The following AMZ2 variants were observed in gnomAD, a reference collection of about 807,000 sequenced individuals.
The protein encoded by AMZ2 is archaelysin family metallopeptidase 2.
In AMZ2, 26 loss-of-function variants were observed where a neutral mutation model predicts 36.7. That is an observed-to-expected ratio of 0.71 (90% CI 0.52 to 0.98). The LOEUF is 0.98. Ranked by LOEUF, AMZ2 falls within the 50% of genes least tolerant of loss-of-function variation. The pLI is 0.00. For synonymous variants in AMZ2, 144 were observed against 149.1 expected, an observed-to-expected ratio of 0.97 and a Z score of 0.25; for missense variants, 394 against 430.5, an observed-to-expected ratio of 0.92 and a Z score of 0.75.
At chr17:68,252,983 A>T (rs1173946459) in intron 4 of AMZ2, among the ~76,000 whole-genome samples, 3 of 152,222 alleles carry the variant, frequency 2.0e-5, no homozygotes, top group Non-Finnish European at 4.4e-5. Context: ...AAAGATTTAC[A>T]TAGGAAAGTA....
intron 1 of AMZ2, among the ~76,000 whole-genome samples, chr17:68,218,481 C>T (rs2073261164): frequency 1.3e-5 from 2 of 152,170 alleles, no homozygotes; most frequent in Admixed American, 6.5e-5. Context: ...TGTGAACCAC[C>T]ACACGCATTT....
At chr17:68,247,297 C>CTGCACTCCA (rs2074061532), upstream of AMZ2, 1 of 139,036 alleles carries the variant, frequency 7.2e-6, no homozygotes, top group Admixed American at 7.9e-5. Context: ...GACTGTCCCA[C>CTGCACTCCA]TGCACTCCAG....
upstream of AMZ2, chr17:68,247,336 CAAAA>C (rs71142158): frequency 0.013 from 1,027 of 78,148 alleles, 8 homozygotes; most frequent in Middle Eastern, 0.021. Context: ...ACTCCGTCTC[CAAAA>C]AAAAAAAAAA....
intron 1 of AMZ2, among the ~76,000 whole-genome samples, chr17:68,234,716 G>A (rs1478645930): frequency 2.6e-5 from 4 of 151,952 alleles, no homozygotes; most frequent in Non-Finnish European, 5.9e-5. Context: ...GCTAAAGTGA[G>A]CCCTGATGGT....
chr17:68,228,884 G>A (rs560532353), intron 1 of AMZ2, among the ~76,000 whole-genome samples: 4 of 152,334 alleles, frequency 2.6e-5, no homozygotes, highest in South Asian at 2.1e-4. Context: ...TGCTGCTTCC[G>A]CGTGTGCTGG....
intron 1 of AMZ2, among the ~76,000 whole-genome samples, chr17:68,212,299 G>A (rs1314973528): frequency 1.3e-5 from 2 of 152,180 alleles, no homozygotes; most frequent in Non-Finnish European, 2.9e-5. Context: ...TTGAGCCCAG[G>A]AGGCAGAGGT....
At chr17:68,236,813 C>G (rs1386619750) in intron 1 of AMZ2, among the ~76,000 whole-genome samples, 1 of 152,112 alleles carries the variant, frequency 6.6e-6, no homozygotes, top group Non-Finnish European at 1.5e-5. Flanking sequence ...CTCCTGACCT[C>G]AAATGATCCA....
intron 4 of AMZ2, among the ~76,000 whole-genome samples, chr17:68,253,437 G>T (rs1446562088): frequency 6.6e-6 from 1 of 152,168 alleles, no homozygotes; most frequent in Non-Finnish European, 1.5e-5. Flanking sequence ...AGCAAACCGT[G>T]TTCTCTGTGC....
chr17:68,248,702 C>T lies in AMZ2; in HGVS notation c.-4C>T. On this transcript the variant is annotated 5_prime_UTR_variant, in exon 1 of 7. It introduces an in-frame stop codon into an upstream open reading frame of the 5' UTR. Coordinates refer to ENST00000359904, the MANE Select transcript of AMZ2 (RefSeq NM_016627.5). ...TTCCATGGGAGCCTTCCTTCCTAAT[C>T]AAGGTAGGTAGACTACAGGAAGGTA... 1 of 986,832 alleles carries T rather than the reference C, an allele frequency of 1.0e-6. No individual in the cohort carries two copies. The allele number at this position is 986,832 out of a possible 1,614,324, so 61.1% of individuals were successfully genotyped here.
At chr17:68,224,542 CTT>C (rs34837469) in intron 1 of AMZ2, among the ~76,000 whole-genome samples, 35 of 137,158 alleles carry the variant, frequency 2.6e-4, no homozygotes, top group Non-Finnish European at 2.7e-4. Context: ...TTGGGGGTAG[CTT>C]TTTTTTTTTT....
chr17:68,211,770 G>A (rs57828952), intron 1 of AMZ2, among the ~76,000 whole-genome samples: 1 of 125,614 alleles, frequency 8.0e-6, no homozygotes, highest in Non-Finnish European at 1.7e-5. Context: ...GTATATATGT[G>A]TATATGTATA....
rs2073040914 is a variant in AMZ2 at position 68,211,376 on chromosome 17, A to G, written c.-67+5138A>G. ...AAATTAGCTGGGCGTGGTGGCGGGCATCTGTAGTCCCAGCAACTCGGGAGG... is the reference window on the plus strand; with the variant it reads ...AAATTAGCTGGGCGTGGTGGCGGGCGTCTGTAGTCCCAGCAACTCGGGAGG... On this transcript the variant is annotated intron_variant, in intron 1 of 7. Coordinates refer to the AMZ2 transcript ENST00000674770. 1.1e-4 allele frequency among the ~76,000 whole-genome samples: 16 copies of G among 152,020 alleles called. No individual in the cohort carries two copies. In the South Asian group the frequency reaches 3.1e-3, roughly 30 times the overall value.
intron 1 of AMZ2, among the ~76,000 whole-genome samples, chr17:68,221,331 G>C (rs2073360902): frequency 6.6e-6 from 1 of 150,632 alleles, no homozygotes; most frequent in African/African-American, 2.4e-5. Flanking sequence ...GGATACTTTT[G>C]TGGAAGAGAA....
chr17:68,226,977 C>T (rs1555730063), intron 1 of AMZ2, among the ~76,000 whole-genome samples: 2 of 149,632 alleles, frequency 1.3e-5, no homozygotes, highest in South Asian at 2.1e-4. Flanking sequence ...GCCATCACCC[C>T]GTGGCTGAGT....
chr17:68,220,080 A>G (rs2073308217), intron 1 of AMZ2, among the ~76,000 whole-genome samples: 1 of 152,212 alleles, frequency 6.6e-6, no homozygotes, highest in Non-Finnish European at 1.5e-5. Flanking sequence ...ATATCTCAAT[A>G]AGGCTGTTCA....
At position 68,257,032 on chromosome 17, in the gene AMZ2, G is replaced by A; in HGVS notation, c.*63G>A. The A allele has an allele frequency of 6.5e-7, 1 of 1,535,994 alleles. No homozygotes were observed. Among genetic ancestry groups the A allele is most frequent in the East Asian group, 2.3e-5 (1 of 44,052 alleles). On this transcript the variant is annotated 3_prime_UTR_variant, in exon 7 of 7. Transcript: ENST00000359904. ...TTGCATGTTATGCTTTCATTTGGGTGGAATACTTCATTGGAATAAACTACT... is the reference window on the plus strand; with the variant it reads ...TTGCATGTTATGCTTTCATTTGGGTAGAATACTTCATTGGAATAAACTACT...
At chr17:68,207,227 G>A (rs1215925389) in intron 1 of AMZ2, 2 of 151,118 alleles carry the variant, frequency 1.3e-5, no homozygotes, top group African/African-American at 4.9e-5. Context: ...CCCGAAATCC[G>A]TAATGAATTT....
At chr17:68,243,458 T>A (rs549558865), upstream of AMZ2, among the ~76,000 whole-genome samples, 2 of 152,356 alleles carry the variant, frequency 1.3e-5, no homozygotes, top group African/African-American at 4.8e-5. Flanking sequence ...AAATAGATGC[T>A]TAGTATTCTA....
At chr17:68,246,993 A>G (rs2074044720), upstream of AMZ2, 1 of 150,900 alleles carries the variant, frequency 6.6e-6, no homozygotes, top group Non-Finnish European at 1.5e-5. Context: ...GGATCACCTG[A>G]GCGCAGGAGT....
Sources: gnomAD v4.1 joint callset for allele counts (sites outside exome capture counted in the v4.1 genomes callset) on GRCh38, gnomAD v4.1.1 for gene constraint, MANE v1.5 for transcripts, NCBI Gene and HGNC (gene_info 2026-07-23, HGNC 2026-07-21) for gene names.